Variants in KCNJ6 observed in about 807,000 individuals in gnomAD.
KCNJ6 encodes potassium inwardly rectifying channel subfamily J member 6.
KCNJ6 carries 9 observed loss-of-function variants against 34.2 expected under a neutral mutation model. That is an observed-to-expected ratio of 0.26 (90% CI 0.16 to 0.46). The LOEUF (loss-of-function observed/expected upper bound fraction) is 0.46, where lower values mean the gene tolerates loss of function less well. Among genes scored for constraint, KCNJ6 ranks in the 20% least tolerant of loss-of-function variants. The probability of loss-of-function intolerance (pLI) is 1.00; values close to 1 mark genes in which losing one functional copy is unlikely to be tolerated. For synonymous variants in KCNJ6, 196 were observed against 207.1 expected, an observed-to-expected ratio of 0.95 and a Z score of 0.46; for missense variants, 236 against 531.3, an observed-to-expected ratio of 0.44 and a Z score of 5.46.
chr21:37,781,090 G>A (rs1250027527), intron 2 of KCNJ6, among the ~76,000 whole-genome samples: 2 of 152,062 alleles, frequency 1.3e-5, no homozygotes, highest in East Asian at 1.9e-4. Flanking sequence ...CACAGCACAC[G>A]CCGGCTGCTT....
chr21:37,842,494 G>A (rs1253301564), intron 1 of KCNJ6, among the ~76,000 whole-genome samples: 1 of 152,226 alleles, frequency 6.6e-6, no homozygotes. Flanking sequence ...CCACAGCCCT[G>A]TATTCATGAC....
intron 2 of KCNJ6, among the ~76,000 whole-genome samples, chr21:37,736,445 A>G (rs746979619): frequency 2.6e-4 from 39 of 152,234 alleles, no homozygotes; most frequent in Non-Finnish European, 4.0e-4. Context: ...GCTGCACAAC[A>G]TCATCAATGT....
intron 2 of KCNJ6, among the ~76,000 whole-genome samples, chr21:37,730,370 A>T (rs749802981): frequency 4.5e-4 from 69 of 152,324 alleles, no homozygotes; most frequent in Non-Finnish European, 8.5e-4. Flanking sequence ...TCCCAACTCC[A>T]ATCTGCAAGT....
intron 2 of KCNJ6, among the ~76,000 whole-genome samples, chr21:37,745,072 GTTTTTTTTTTTTTTTTTTTT>G (rs58661633): frequency 2.2e-5 from 2 of 89,458 alleles, no homozygotes; most frequent in Non-Finnish European, 4.2e-5. Context: ...AACGTTGCTG[GTTTTTTTTTTTTTTTTTTTT>G]TTTTTTTTTT....
intron 2 of KCNJ6, among the ~76,000 whole-genome samples, chr21:37,839,007 T>C (rs986530626): frequency 6.6e-6 from 1 of 152,180 alleles, no homozygotes; most frequent in Non-Finnish European, 1.5e-5. Context: ...TTCACCATGA[T>C]TGTAAGTTTC....
intron 2 of KCNJ6, among the ~76,000 whole-genome samples, chr21:37,793,153 G>C (rs2055224779): frequency 6.6e-6 from 1 of 152,328 alleles, no homozygotes. Flanking sequence ...CTTCATGGTT[G>C]AAGTGTTATT....
In KCNJ6 at chr21:37,715,034, T is replaced by C; in HGVS notation, c.123A>G (p.Pro41=). 6.2e-7 allele frequency: 1 copy of C among 1,614,188 alleles called. No homozygotes were observed. The highest frequency in any genetic ancestry group is 1.1e-5 in the South Asian group (1 of 91,082). Residue 41 remains proline (P), a synonymous_variant, in exon 3 of 4, where the codon CCA becomes CCG. Coordinates refer to ENST00000609713, the MANE Select transcript of KCNJ6 (RefSeq NM_002240.5). The part of the protein sequence containing the change: ...KLPKQARDDL[P]RHISRDRTKR... ...TGGTCCGATCTCGGCTGATGTGTCT[T>C]GGCAGGTCATCCCTGGCCTGCTTAG...
intron 2 of KCNJ6, among the ~76,000 whole-genome samples, chr21:37,822,601 G>C (rs994343434): frequency 6.6e-6 from 1 of 152,212 alleles, no homozygotes; most frequent in South Asian, 2.1e-4. Flanking sequence ...TTGTTGAGAG[G>C]ATGCTTTATA....
chr21:37,894,419 C>T (rs2055777858), intron 1 of KCNJ6, among the ~76,000 whole-genome samples: 1 of 152,144 alleles, frequency 6.6e-6, no homozygotes, highest in Admixed American at 6.5e-5. Flanking sequence ...AATCCCAGCA[C>T]TTTGGGAGGC....
intron 2 of KCNJ6, among the ~76,000 whole-genome samples, chr21:37,791,438 C>T (rs959660942): frequency 2.6e-5 from 4 of 152,096 alleles, no homozygotes; most frequent in African/African-American, 9.7e-5. Flanking sequence ...CCAGGTTTGC[C>T]GGGGCTCTGG....
At chr21:37,874,560 A>G (rs2055668301) in intron 1 of KCNJ6, among the ~76,000 whole-genome samples, 1 of 152,238 alleles carries the variant, frequency 6.6e-6, no homozygotes, top group Non-Finnish European at 1.5e-5. Context: ...ATAAGTATTT[A>G]TGCATTCAAA....
chr21:37,784,279 G>A (rs2055183000), intron 2 of KCNJ6, among the ~76,000 whole-genome samples: 1 of 152,142 alleles, frequency 6.6e-6, no homozygotes, highest in Non-Finnish European at 1.5e-5. Context: ...CCTCTACCCT[G>A]GAGCCATCTC....
chr21:37,671,844 G>A (rs930465119), intron 3 of KCNJ6, among the ~76,000 whole-genome samples: 4 of 151,998 alleles, frequency 2.6e-5, no homozygotes, highest in Non-Finnish European at 5.9e-5. Flanking sequence ...TACGAGATGC[G>A]GAGTTTGTTT....
At chr21:37,644,475 C>T (rs1167640230) in intron 3 of KCNJ6, among the ~76,000 whole-genome samples, 1 of 152,082 alleles carries the variant, frequency 6.6e-6, no homozygotes, top group Non-Finnish European at 1.5e-5. Flanking sequence ...CCGAGATTTG[C>T]CTCTGTGGTA....
At chr21:37,754,624 A>T (rs987901079) in intron 2 of KCNJ6, among the ~76,000 whole-genome samples, 1 of 152,218 alleles carries the variant, frequency 6.6e-6, no homozygotes, top group African/African-American at 2.4e-5. Context: ...ACTTACCTGT[A>T]AGAAGGGTCA....
chr21:37,811,103 C>G (rs2055320407), intron 2 of KCNJ6, among the ~76,000 whole-genome samples: 1 of 152,096 alleles, frequency 6.6e-6, no homozygotes, highest in South Asian at 2.1e-4. Context: ...ATGAAGCCTC[C>G]ATAAAATTTC....
At chr21:37,824,011 T>A (rs183259530) in intron 2 of KCNJ6, among the ~76,000 whole-genome samples, 3 of 680 alleles carry the variant, frequency 4.4e-3, no homozygotes, top group Non-Finnish European at 7.2e-3. Context: ...ACTAGCTTGA[T>A]TGAATCATTT....
intron 1 of KCNJ6, among the ~76,000 whole-genome samples, chr21:37,900,982 T>C (rs554850452): frequency 3.3e-5 from 5 of 152,324 alleles, no homozygotes; most frequent in Middle Eastern, 3.4e-3. Flanking sequence ...ATTTACAGTC[T>C]GTGCTATATT....
chr21:37,875,476 G>A (rs190306017), intron 1 of KCNJ6, among the ~76,000 whole-genome samples: 67 of 152,264 alleles, frequency 4.4e-4, no homozygotes, highest in Non-Finnish European at 7.1e-4. Context: ...CAGCCAGGGC[G>A]CTAATCTTCC....
Sources: gnomAD v4.1 joint callset for allele counts (sites outside exome capture counted in the v4.1 genomes callset) on GRCh38, gnomAD v4.1.1 for gene constraint, MANE v1.5 for transcripts, NCBI Gene and HGNC (gene_info 2026-07-23, HGNC 2026-07-21) for gene names.